Variants in DHX36 observed in about 807,000 individuals in gnomAD.
DHX36 encodes DEAH-box helicase 36, also known as ATP-dependent DNA/RNA helicase DHX36.
In DHX36, 50 loss-of-function variants were observed where a neutral mutation model predicts 139.0. The ratio of observed to expected loss-of-function variants is 0.36; its 90% CI spans 0.29 to 0.46. The LOEUF (loss-of-function observed/expected upper bound fraction) is 0.46, where lower values mean the gene tolerates loss of function less well. Ranked by LOEUF, DHX36 falls within the 20% of genes least tolerant of loss-of-function variation. The pLI, the probability that DHX36 is intolerant of heterozygous loss-of-function variation, is 1.00. For synonymous variants in DHX36, 425 were observed against 401.9 expected, an observed-to-expected ratio of 1.06 and a Z score of -0.69; for missense variants, 1,024 against 1,211.3, an observed-to-expected ratio of 0.85 and a Z score of 2.29.
chr3:154,292,225 G>A (rs533195390), intron 15 of DHX36, among the ~76,000 whole-genome samples: 194 of 152,228 alleles, frequency 1.3e-3, no homozygotes, highest in African/African-American at 4.4e-3. Flanking sequence ...TTCAGGAGAT[G>A]ATCTGACACT....
At chr3:154,309,602 G>T in intron 5 of DHX36, 51 bp downstream of exon 5, 1 of 1,499,498 alleles carries the variant, frequency 6.7e-7, no homozygotes, top group Non-Finnish European at 9.0e-7. Flanking sequence ...GTAGGTTCTA[G>T]CAAGATTACT....
chr3:154,306,115 A>T (rs1008481252), intron 6 of DHX36, 101 bp downstream of exon 6: 1 of 865,222 alleles, frequency 1.2e-6, no homozygotes, highest in Middle Eastern at 2.3e-4. Context: ...TTGTAATAGT[A>T]ATAACCATCA....
intron 4 of DHX36, among the ~76,000 whole-genome samples, chr3:154,310,827 ATATATATATATATATATATATATATG>A (rs1559957752): frequency 2.8e-5 from 1 of 35,756 alleles, no homozygotes; most frequent in South Asian, 1.2e-3. Context: ...ATATATATAT[ATATATATATATATATATATATATATG>A]TATATACATA....
intron 1 of DHX36, among the ~76,000 whole-genome samples, chr3:154,318,167 C>T (rs1713057087): frequency 6.6e-6 from 1 of 151,928 alleles, no homozygotes; most frequent in Non-Finnish European, 1.5e-5. Context: ...AGGAGGATAA[C>T]CTAATGTAAT....
At position 154,276,786 on chromosome 3, in the gene DHX36, A is replaced by G; in HGVS notation, c.2802T>C (p.Ile934=). The change falls in exon 24 of 25, where the codon ATT becomes ATC. Residue 934 remains isoleucine (I), a synonymous_variant. Transcript: ENST00000496811. ...CAATTCTTGCTGGAGACTGAAATAC[A>G]ATCCACTCATCTACAGCAATAGTTT... The part of the protein sequence containing the change: ...DQETIAVDEW[I]VFQSPARIAH... 1 of 1,613,834 alleles carries G rather than the reference A, an allele frequency of 6.2e-7. No individual in the cohort carries two copies. The highest frequency in any genetic ancestry group is 1.3e-5 in the African/African-American group (1 of 75,028).
intron 3 of DHX36, among the ~76,000 whole-genome samples, chr3:154,313,080 T>A (rs1271376351): frequency 6.6e-6 from 1 of 151,216 alleles, no homozygotes; most frequent in Non-Finnish European, 1.5e-5. Flanking sequence ...AACTTACTTA[T>A]CTTGTAATAA....
chr3:154,281,254 C>G (rs1288416205), intron 20 of DHX36, among the ~76,000 whole-genome samples: 1 of 152,016 alleles, frequency 6.6e-6, no homozygotes, highest in African/African-American at 2.4e-5. Context: ...AAATTACTTT[C>G]CACCCCCATT....
chr3:154,279,228 T>A (rs986836861), intron 22 of DHX36: 1 of 152,150 alleles, frequency 6.6e-6, no homozygotes, highest in Admixed American at 6.5e-5. Flanking sequence ...TCTGCTAGTG[T>A]AGAAGGAAAG....
In DHX36 at chr3:154,277,699, T is replaced by G; in HGVS notation, c.2587A>C (p.Thr863Pro). The G allele has an allele frequency of 1.2e-6, 2 of 1,606,874 alleles. No homozygotes were observed. The highest frequency in any genetic ancestry group is 2.2e-5 in the South Asian group (2 of 89,738). ...GGATGAACAGCAACCAGGCCATCGG[T>G]TTTTGTGTAAACTTTTACCCTTTAA... is the stretch of plus-strand genomic sequence containing the variant. ...KRKMVKVYTKTDGLVAVHPKS... is the reference protein window; with the variant it reads ...KRKMVKVYTKPDGLVAVHPKS... The change falls in exon 23 of 25, where the codon ACC becomes CCC. Residue 863 changes from threonine (T) to proline (P), a missense_variant. By Grantham distance (38) the Thr-to-Pro change is conservative (BLOSUM62 -1). This residue lies in a region of DHX36 where 470 missense variants were observed against 616.2 expected (regional missense o/e 0.76). Coordinates refer to ENST00000496811, the MANE Select transcript of DHX36 (RefSeq NM_020865.3).
In DHX36 at chr3:154,313,693, T is replaced by C. The variant is rs567534249; in HGVS notation, c.603+1353A>G. 1.8e-4 allele frequency among the ~76,000 whole-genome samples: 28 copies of C among 152,168 alleles called. No individual in the cohort carries two copies. In the South Asian group the frequency reaches 2.7e-3, roughly 15 times the overall value. On this transcript the variant is annotated intron_variant, in intron 3 of 24. Transcript: ENST00000496811. ...AGACCCTGTCTTAAATATATATATA[T>C]ACATACACGCACACATATATAGCAC...
chr3:154,301,608 T>C (rs1274522945), intron 9 of DHX36, among the ~76,000 whole-genome samples: 1 of 152,080 alleles, frequency 6.6e-6, no homozygotes, highest in Non-Finnish European at 1.5e-5. Flanking sequence ...AGATAGTGTA[T>C]CCAGATCTAC....
intron 3 of DHX36, among the ~76,000 whole-genome samples, chr3:154,314,381 CCTTT>C (rs1712881580): frequency 6.6e-6 from 1 of 152,154 alleles, no homozygotes; most frequent in Admixed American, 6.5e-5. Context: ...CTATATCCTT[CCTTT>C]ATCAAAGACA....
intron 4 of DHX36, 54 bp from the exon 5 acceptor site, chr3:154,309,877 G>T: frequency 3.7e-6 from 5 of 1,343,110 alleles, no homozygotes; most frequent in Non-Finnish European, 5.1e-6. Context: ...TCTGAAAAAA[G>T]ATATTAATCA....
At chr3:154,321,809 A>G (rs1296565795) in intron 1 of DHX36, among the ~76,000 whole-genome samples, 1 of 151,912 alleles carries the variant, frequency 6.6e-6, no homozygotes, top group African/African-American at 2.4e-5. Context: ...AAATACAAAA[A>G]TTAGCCAAGT....
At position 154,300,578 on chromosome 3, in the gene DHX36, GAAAAAT is replaced by G. The variant is rs1559953249; in HGVS notation, c.1461+10_1461+15del. The stretch of plus-strand genomic sequence containing the variant: ...ATTAAAATTATGTTAACTGAAGAAA[GAAAAAT>G]AAAACTAACCTCTTCTTCCAAAACA... On this transcript the variant is annotated intron_variant, in intron 11 of 24. Coordinates refer to ENST00000496811, the MANE Select transcript of DHX36 (RefSeq NM_020865.3). 6.3e-7 allele frequency: 1 copy of G among 1,595,066 alleles called. No homozygotes were observed. The highest frequency in any genetic ancestry group is 1.7e-5 in the Admixed American group (1 of 58,236).
In DHX36 at chr3:154,315,163, A is replaced by G. The variant is rs547828423; in HGVS notation, c.486T>C (p.Tyr162=). 47 of 1,613,448 alleles carry G rather than the reference A, an allele frequency of 2.9e-5. No homozygotes were observed. The South Asian group carries it at 4.7e-4, about 16-fold the overall frequency. Residue 162 remains tyrosine, a synonymous_variant, in exon 3 of 25, where the codon TAT becomes TAC. Coordinates refer to ENST00000496811, the MANE Select transcript of DHX36 (RefSeq NM_020865.3). ...KKMFRIRNRS[Y]IDRDSEYLLQ... is the part of the protein sequence containing the mutation. ...AGAGATACTCAGAATCTCGGTCAAT[A>G]TATGATCTGTTCCTGATTCTAAACA... is the stretch of plus-strand genomic sequence containing the variant.
intron 4 of DHX36, among the ~76,000 whole-genome samples, chr3:154,310,188 A>G (rs896501600): frequency 6.6e-6 from 1 of 152,180 alleles, no homozygotes; most frequent in African/African-American, 2.4e-5. Context: ...AATTTATATA[A>G]TTCATAAATA....
chr3:154,315,046 C>A lies in DHX36; in HGVS notation c.603G>T (p.Gln201His). The change falls in exon 3 of 25, where the codon CAG becomes CAT. Residue 201 changes from glutamine (Q) to histidine (H), a missense_variant and splice_region_variant. By Grantham distance (24) the Gln-to-His change is conservative (BLOSUM62 0). Around this residue, in one of 4 missense-constraint regions of DHX36, gnomAD observed 293 missense variants for 274.4 expected, o/e 1.07. Transcript: ENST00000496811. Reference protein sequence around the residue: ...KKNDLRYIEMQHFREKLPSYG... With the variant: ...KKNDLRYIEMHHFREKLPSYG... ...ATATTTTTTGACATCTTTCTACTAC[C>A]TGCATTTCAATATACCGAAGGTCAT... 6.3e-7 allele frequency: 1 copy of A among 1,575,888 alleles called. No individual in the cohort carries two copies. Among genetic ancestry groups the A allele is most frequent in the Non-Finnish European group, 8.6e-7 (1 of 1,156,482 alleles).
At position 154,274,563 on chromosome 3, in the gene DHX36, A is replaced by T. The variant is rs995272253; in HGVS notation, c.*1608T>A. 1.3e-5 allele frequency: 2 copies of T among 152,178 alleles called. No homozygotes were observed. The highest frequency in any genetic ancestry group is 4.8e-5 in the African/African-American group (2 of 41,412). The allele number at this position is 152,178 out of a possible 1,614,324, so 9.4% of individuals were successfully genotyped here. A position where few individuals can be genotyped will look rare whatever the true frequency, so the allele number is the denominator to read the frequency against. ...TCATTAGTTGGCTGCAGCAGTTCCAACTATCAGAGTCAGAAAAGACAATGT... is the reference window on the plus strand; with the variant it reads ...TCATTAGTTGGCTGCAGCAGTTCCATCTATCAGAGTCAGAAAAGACAATGT... On this transcript the variant is annotated 3_prime_UTR_variant, in exon 25 of 25. Transcript: ENST00000496811.
Sources: allele counts gnomAD v4.1 joint callset (sites outside exome capture counted in the v4.1 genomes callset), GRCh38; gene constraint gnomAD v4.1.1; regional missense constraint gnomAD v4.1.1; transcripts MANE v1.5; gene names NCBI Gene and HGNC (gene_info 2026-07-23, HGNC 2026-07-21).